The following ACTN4 variants were observed in gnomAD, a reference collection of about 807,000 sequenced individuals.
ACTN4 encodes the protein alpha-actinin-4.
Under a neutral mutation model 114.2 loss-of-function variants are expected in ACTN4, and 18 were observed. The ratio of observed to expected loss-of-function variants is 0.16; its 90% CI spans 0.11 to 0.23. The LOEUF is 0.23. Ranked by LOEUF, ACTN4 falls within the 10% of genes least tolerant of loss-of-function variation. ACTN4 has a pLI of 1.00. For synonymous variants in ACTN4, 515 were observed against 506.3 expected, an observed-to-expected ratio of 1.02 and a Z score of -0.23; for missense variants, 722 against 1,262.9, an observed-to-expected ratio of 0.57 and a Z score of 6.49.
At position 38,723,682 on chromosome 19, in the gene ACTN4, C is replaced by T. The variant is rs1282695037; in HGVS notation, c.1511C>T (p.Ala504Val). The change falls in exon 13 of 21, where the codon GCC becomes GTC. Residue 504 changes from alanine (A) to valine (V), a missense_variant. This residue lies in a region of ACTN4 where 523 missense variants were observed against 875.9 expected (regional missense o/e 0.60). Coordinates refer to ENST00000252699, the MANE Select transcript of ACTN4 (RefSeq NM_004924.6). ...RCQKICDQWD[A>V]LGSLTHSRRE... ...CAGAAGATCTGTGACCAGTGGGACG[C>T]CCTCGGCTCTCTGACACATAGTCGC... 2 of 1,613,320 alleles carry T rather than the reference C, an allele frequency of 1.2e-6. No homozygotes were observed. Among genetic ancestry groups the T allele is most frequent in the East Asian group, 2.2e-5 (1 of 44,858 alleles).
intron 19 of ACTN4, 52 bp downstream of exon 19, chr19:38,728,078 T>G: frequency 6.5e-7 from 1 of 1,548,066 alleles, no homozygotes; most frequent in East Asian, 2.4e-5. Flanking sequence ...TCTCTCTCTC[T>G]CTCTCCTTCT....
At chr19:38,698,981 C>T (rs555396989) in intron 1 of ACTN4, among the ~76,000 whole-genome samples, 55 of 152,332 alleles carry the variant, frequency 3.6e-4, no homozygotes, top group African/African-American at 9.6e-4. Context: ...CGCCTGCACC[C>T]GGGGCGTGGA....
At chr19:38,668,637 G>C (rs1471219498) in intron 1 of ACTN4, among the ~76,000 whole-genome samples, 2 of 152,146 alleles carry the variant, frequency 1.3e-5, no homozygotes, top group Non-Finnish European at 2.9e-5. Context: ...AGTGAGCCGA[G>C]GTCGTGCCAC....
intron 4 of ACTN4, among the ~76,000 whole-genome samples, chr19:38,705,451 G>A (rs1225597493): frequency 1.3e-5 from 2 of 152,162 alleles, no homozygotes; most frequent in Admixed American, 6.5e-5. Flanking sequence ...GGACAATTTC[G>A]CTTCCCTGCA....
intron 1 of ACTN4, among the ~76,000 whole-genome samples, chr19:38,683,045 G>C (rs2144928895): frequency 6.6e-6 from 1 of 152,324 alleles, no homozygotes; most frequent in Non-Finnish European, 1.5e-5. Flanking sequence ...CCAGTGCTCA[G>C]GATAGTGTAT....
rs1046581913 is a variant in ACTN4, at chr19:38,729,987, AGAG to A, written c.*559_*561del. 1.9e-4 allele frequency: 61 copies of A among 313,096 alleles called. No individual in the cohort carries two copies. The highest frequency in any genetic ancestry group is 4.8e-4 in the Admixed American group (10 of 20,944). The allele number at this position is 313,096 out of a possible 1,614,324, so 19.4% of individuals were successfully genotyped here. A position where few individuals can be genotyped will look rare whatever the true frequency, so the allele number is the denominator to read the frequency against. On this transcript the variant is annotated 3_prime_UTR_variant, in exon 21 of 21. Transcript: ENST00000252699. ...CCAACAAGCACCCCGCTTTTGCAGC[AGAG>A]GAGCTGAGTTGGCAGACCGGGCCCC... is the stretch of plus-strand genomic sequence containing the variant.
chr19:38,725,214 C>T (rs1013551845), intron 16 of ACTN4, among the ~76,000 whole-genome samples: 3 of 152,210 alleles, frequency 2.0e-5, no homozygotes, highest in Non-Finnish European at 2.9e-5. Flanking sequence ...CAGGCAACCT[C>T]GTTTAAACCC....
intron 3 of ACTN4, among the ~76,000 whole-genome samples, chr19:38,701,533 GAGA>G (rs1262242366): frequency 6.6e-6 from 1 of 152,226 alleles, no homozygotes; most frequent in East Asian, 1.9e-4. Flanking sequence ...CCCGGTATCA[GAGA>G]AGGACTGGAG....
Position 38,673,664 on chromosome 19 carries a change from TTATATATATTTATATATTTATATATA to T in ACTN4, c.162+25759_162+25784del, listed in dbSNP as rs1375748339. ...ATATATATTTATATATTTATATATATTATATATATTTATATATTTATATATATTATATATATTTATATATTTATATA... is the reference window on the plus strand; with the variant it reads ...ATATATATTTATATATTTATATATATTTATATATATTTATATATTTATATA... On this transcript the variant is annotated intron_variant, in intron 1 of 20. Coordinates refer to ENST00000252699, the MANE Select transcript of ACTN4 (RefSeq NM_004924.6). 6.1e-4 allele frequency among the ~76,000 whole-genome samples: 9 copies of T among 14,672 alleles called. 2 individuals carry two copies. The highest frequency in any genetic ancestry group is 1.2e-3 in the Non-Finnish European group (5 of 4,346). 9.6% of individuals were successfully genotyped at this position (14,672 alleles called of 152,430 possible). A position where few individuals can be genotyped will look rare whatever the true frequency, so the allele number is the denominator to read the frequency against.
At chr19:38,721,842 C>A (rs535693302) in intron 12 of ACTN4, 154 bp downstream of exon 12, 1 of 1,143,822 alleles carries the variant, frequency 8.7e-7, no homozygotes, top group Non-Finnish European at 1.3e-6. Context: ...CAGGGAAGGG[C>A]CTTATGGGAT....
chr19:38,709,284 C>G, intron 6 of ACTN4, 111 bp from the exon 7 acceptor site: 1 of 829,642 alleles, frequency 1.2e-6, no homozygotes, highest in South Asian at 1.3e-5. Context: ...CCTGAAGAAA[C>G]CCCCAACCCT....
Position 38,729,553 on chromosome 19 carries a change from T to TGGGTGGGCA in ACTN4, c.*125_*133dup. The TGGGTGGGCA allele has an allele frequency of 1.5e-5, 1 of 65,592 alleles. No individual in the cohort carries two copies. Among genetic ancestry groups the TGGGTGGGCA allele is most frequent in the Non-Finnish European group, 3.1e-5 (1 of 31,916 alleles). 4.1% of individuals were successfully genotyped at this position (65,592 alleles called of 1,614,324 possible). Reference sequence around the variant, plus strand: ...ACTCTCTGCAGTCCTCCGGGGTGGGTGGGTGGGCAGGGAGGGGCTGGGGCA... The same window carrying TGGGTGGGCA: ...ACTCTCTGCAGTCCTCCGGGGTGGGTGGGTGGGCAGGGTGGGCAGGGAGGGGCTGGGGCA... On this transcript the variant is annotated 3_prime_UTR_variant, in exon 21 of 21. Transcript: ENST00000252699.
intron 11 of ACTN4, among the ~76,000 whole-genome samples, chr19:38,718,535 C>T (rs1451942316): frequency 6.7e-6 from 1 of 149,904 alleles, no homozygotes. Flanking sequence ...GACCCTGTCT[C>T]AAAAAAAAAG....
chr19:38,683,458 G>C (rs570348369), intron 1 of ACTN4, among the ~76,000 whole-genome samples: 7 of 152,230 alleles, frequency 4.6e-5, no homozygotes, highest in African/African-American at 1.7e-4. Context: ...GCCAGGCCCC[G>C]TGAACAGAGG....
rs1236219779 is a variant in ACTN4 at position 38,730,226 on chromosome 19, T to TATTA, written c.*795_*798dup. 1.3e-5 allele frequency: 2 copies of TATTA among 157,232 alleles called. No individual in the cohort carries two copies. Among genetic ancestry groups the TATTA allele is most frequent in the Admixed American group, 1.2e-4 (2 of 16,306 alleles). The allele number at this position is 157,232 out of a possible 1,614,324, so 9.7% of individuals were successfully genotyped here. A position where few individuals can be genotyped will look rare whatever the true frequency, so the allele number is the denominator to read the frequency against. The stretch of plus-strand genomic sequence containing the variant: ...TATTTACTTTATTAACTTACGGATT[T>TATTA]ATTATATAAATATATATTCACCTAG... On this transcript the variant is annotated 3_prime_UTR_variant, in exon 21 of 21. Transcript: ENST00000252699.
intron 1 of ACTN4, among the ~76,000 whole-genome samples, chr19:38,685,645 C>T (rs900741961): frequency 6.6e-6 from 1 of 152,048 alleles, no homozygotes; most frequent in Admixed American, 6.5e-5. Flanking sequence ...GTAGGAAGCC[C>T]GCAGGGACCG....
intron 7 of ACTN4, 108 bp downstream of exon 7, chr19:38,709,584 T>C (rs940996114): frequency 2.0e-6 from 2 of 976,654 alleles, no homozygotes; most frequent in Non-Finnish European, 3.3e-6. Flanking sequence ...TTGGGTCACC[T>C]TGGGGAGCTG....
chr19:38,656,156 C>G (rs921872573), intron 1 of ACTN4, among the ~76,000 whole-genome samples: 3 of 152,046 alleles, frequency 2.0e-5, no homozygotes, highest in Admixed American at 1.3e-4. Flanking sequence ...CTCTTTTTAC[C>G]AAGGCTGGAG....
chr19:38,727,251 C>A lies in ACTN4; in HGVS notation c.2337+148C>A. The A allele has an allele frequency of 7.7e-7, 1 of 1,304,282 alleles. No homozygotes were observed. Among genetic ancestry groups the A allele is most frequent in the South Asian group, 1.3e-5 (1 of 77,942 alleles). The allele number at this position is 1,304,282 out of a possible 1,614,324, so 80.8% of individuals were successfully genotyped here. On this transcript the variant is annotated intron_variant, in intron 18 of 20. Transcript: ENST00000252699. The surrounding 1 kb of genome is among the most constrained non-coding windows in gnomAD (Gnocchi z 5.4). ...AGGGCCAGCAGGGCCCTGCCACTGT[C>A]AGGGTGTAGGTGTGCGGCACCAAGA...
Sources: allele counts gnomAD v4.1 joint callset (sites outside exome capture counted in the v4.1 genomes callset), GRCh38; gene constraint gnomAD v4.1.1; regional missense constraint gnomAD v4.1.1; non-coding constraint Gnocchi (gnomAD v3.1); transcripts MANE v1.5; gene names NCBI Gene and HGNC (gene_info 2026-07-23, HGNC 2026-07-21).